The following ODC1 variants were observed in gnomAD, a reference collection of about 807,000 sequenced individuals.
ODC1 encodes ornithine decarboxylase.
In ODC1, 18 loss-of-function variants were observed where a neutral mutation model predicts 41.5. The ratio of observed to expected loss-of-function variants is 0.43; its 90% CI spans 0.30 to 0.64. The LOEUF (loss-of-function observed/expected upper bound fraction) is 0.64, where lower values mean the gene tolerates loss of function less well. Among genes scored for constraint, ODC1 ranks in the 30% least tolerant of loss-of-function variants. The pLI is 0.11. For synonymous variants in ODC1, 218 were observed against 211.6 expected (o/e 1.03, Z -0.26); for missense variants, 504 against 589.0 (o/e 0.86, Z 1.49).
chr2:10,444,799 C>G (rs558150537), intron 3 of ODC1, 132 bp downstream of exon 3: 1 of 830,574 alleles, frequency 1.2e-6, no homozygotes, highest in Admixed American at 2.5e-5. Flanking sequence ...TATTAATTTA[C>G]CACCAGTGAA....
At chr2:10,448,027 C>G (rs938012231) in intron 1 of ODC1, 94 bp downstream of exon 1, 1 of 154,518 alleles carries the variant, frequency 6.5e-6, no homozygotes, top group Non-Finnish European at 1.4e-5. Context: ...GCCGGCGAGG[C>G]GCGCCGCACA....
intron 5 of ODC1, 47 bp downstream of exon 5, chr2:10,444,048 C>A (rs1206410312): frequency 1.3e-6 from 2 of 1,522,958 alleles, no homozygotes; most frequent in Non-Finnish European, 8.8e-7. Flanking sequence ...TAAGAATCCA[C>A]ATATCTTATG....
At chr2:10,444,372 T>C (rs1558551250) in intron 4 of ODC1, 102 bp downstream of exon 4, 1 of 1,507,898 alleles carries the variant, frequency 6.6e-7, no homozygotes. Flanking sequence ...CATTTGCCTT[T>C]AGTGAGCATT....
Position 10,444,918 on chromosome 2 carries a change from C to G in ODC1, c.102+13G>C. On this transcript the variant is annotated intron_variant, in intron 3 of 11. Transcript: ENST00000234111. ...TCTCAGCTGCACTGCCAGCATGGGCCTCATATACTTACAGAAGAAGAAACT... is the reference window on the plus strand; with the variant it reads ...TCTCAGCTGCACTGCCAGCATGGGCGTCATATACTTACAGAAGAAGAAACT... 2.5e-6 allele frequency: 4 copies of G among 1,582,132 alleles called. No individual in the cohort carries two copies. Among genetic ancestry groups the G allele is most frequent in the Non-Finnish European group, 3.5e-6 (4 of 1,151,186 alleles).
intron 2 of ODC1, 27 bp downstream of exon 2, chr2:10,445,128 C>A: frequency 2.7e-6 from 2 of 732,328 alleles, no homozygotes; most frequent in South Asian, 1.5e-5. Context: ...GATTAACCTG[C>A]AACATAAATG....
chr2:10,447,210 T>C (rs1383679029), intron 1 of ODC1, among the ~76,000 whole-genome samples: 4 of 152,234 alleles, frequency 2.6e-5, no homozygotes, highest in South Asian at 2.1e-4. Flanking sequence ...GAAGAACACC[T>C]TTCGGTCTTT....
rs1460456869 is a variant in ODC1, at chr2:10,440,614, G to A, written c.*110C>T. 8.1e-6 allele frequency: 9 copies of A among 1,110,412 alleles called. No homozygotes were observed. Among genetic ancestry groups the A allele is most frequent in the South Asian group, 3.1e-5 (2 of 65,378 alleles). 68.8% of individuals were successfully genotyped at this position (1,110,412 alleles called of 1,614,324 possible). A position where few individuals can be genotyped will look rare whatever the true frequency, so the allele number is the denominator to read the frequency against. On this transcript the variant is annotated 3_prime_UTR_variant, in exon 12 of 12. Transcript: ENST00000234111. The stretch of plus-strand genomic sequence containing the variant: ...GTCTTCCATATGGCTGCATCATGGC[G>A]ACCCTACTCTTACAAAGACATTTCA...
chr2:10,443,459 G>T, intron 7 of ODC1, 31 bp downstream of exon 7: 1 of 1,601,798 alleles, frequency 6.2e-7, no homozygotes, highest in Non-Finnish European at 8.6e-7. Flanking sequence ...GTTGTGTCCC[G>T]CCCTTCCCTA....
At chr2:10,444,446 G>C in intron 4 of ODC1, 28 bp downstream of exon 4, 1 of 1,577,880 alleles carries the variant, frequency 6.3e-7, no homozygotes, top group East Asian at 2.2e-5. Flanking sequence ...TTTATACAAC[G>C]CTTTTGAGGC....
In ODC1 at chr2:10,442,525, C is replaced by T. The variant is rs557388309; in HGVS notation, c.751-351G>A. Among the ~76,000 whole-genome samples the T allele has an allele frequency of 1.1e-3, 168 of 152,238 alleles. 1 individual carries two copies. Among genetic ancestry groups the T allele is most frequent in the Admixed American group, 1.9e-3 (29 of 15,294 alleles). ...CAGGATAAAAATCCTATTCTGCCTA[C>T]GTCATGATTTTAACAAACCATGTGG... On this transcript the variant is annotated intron_variant, in intron 8 of 11. Transcript: ENST00000234111.
intron 9 of ODC1, 37 bp from the exon 10 acceptor site, chr2:10,441,966 C>T (rs764213070): frequency 3.1e-5 from 50 of 1,612,978 alleles, no homozygotes; most frequent in Non-Finnish European, 4.1e-5. Flanking sequence ...TGACTTTTTG[C>T]ATCAGCTTTC....
chr2:10,444,413 C>A, intron 4 of ODC1, 61 bp downstream of exon 4: 1 of 1,538,096 alleles, frequency 6.5e-7, no homozygotes, highest in Non-Finnish European at 8.8e-7. Context: ...TTGTATCTGC[C>A]TCGTGGGGAA....
At chr2:10,443,654 T>G in intron 6 of ODC1, 48 bp downstream of exon 6, 2 of 1,607,576 alleles carry the variant, frequency 1.2e-6, no homozygotes, top group Non-Finnish European at 1.7e-6. Context: ...CCTGTAAAAC[T>G]CAAACTGTTC....
At chr2:10,443,136 T>A (rs1248975202) in intron 8 of ODC1, 94 bp downstream of exon 8, 2 of 911,426 alleles carry the variant, frequency 2.2e-6, no homozygotes, top group African/African-American at 3.3e-5. Flanking sequence ...CTTCAGCCCA[T>A]TGTGGTATTA....
chr2:10,444,788 C>G (rs1671953779), intron 3 of ODC1, 141 bp from the exon 4 acceptor site: 2 of 826,892 alleles, frequency 2.4e-6, no homozygotes, highest in Admixed American at 5.0e-5. Context: ...ACCATTATCA[C>G]TATTAATTTA....
At position 10,440,465 on chromosome 2, in the gene ODC1, A is replaced by C. The variant is rs1671783733; in HGVS notation, c.*259T>G. ...CCATTCTGCCATTGTACAAGCTACA[A>C]ATGCTTGTTCAGCAGCTGAGGGGCA... On this transcript the variant is annotated 3_prime_UTR_variant, in exon 12 of 12. Transcript: ENST00000234111. 1 of 357,938 alleles carries C rather than the reference A, an allele frequency of 2.8e-6. No homozygotes were observed. Among genetic ancestry groups the C allele is most frequent in the African/African-American group, 2.1e-5 (1 of 47,326 alleles). 22.2% of individuals were successfully genotyped at this position (357,938 alleles called of 1,614,324 possible). A position where few individuals can be genotyped will look rare whatever the true frequency, so the allele number is the denominator to read the frequency against.
At chr2:10,440,932 T>C (rs1671799677) in intron 11 of ODC1, 64 bp from the exon 12 acceptor site, 2 of 1,559,268 alleles carry the variant, frequency 1.3e-6, no homozygotes, top group Non-Finnish European at 8.7e-7. Flanking sequence ...TGAGAGTATT[T>C]ACTTCCCATC....
rs573872915 is a variant in ODC1, at chr2:10,444,064, G to A, written c.449+31C>T. 95 of 1,552,438 alleles carry A rather than the reference G, an allele frequency of 6.1e-5. No homozygotes were observed. In the Admixed American group the frequency reaches 1.7e-3, roughly 28 times the overall value. ...AAGAATCCACATATCTTATGCTCCC[G>A]ATCTTGCCCTCAGATGGGGGAATAA... On this transcript the variant is annotated intron_variant, in intron 5 of 11. Coordinates refer to ENST00000234111, the MANE Select transcript of ODC1 (RefSeq NM_002539.3).
chr2:10,443,849 A>G lies in ODC1; in HGVS notation c.450-13T>C, dbSNP rs1325667389. On this transcript the variant is annotated splice_polypyrimidine_tract_variant and intron_variant, in intron 5 of 11. Coordinates refer to ENST00000234111, the MANE Select transcript of ODC1 (RefSeq NM_002539.3). ...CCGCAAAACCAACCTACAAGCAAGG[A>G]AAGTGCAGCAAATGTCTCATGATAG... The G allele has an allele frequency of 2.5e-6, 4 of 1,612,724 alleles. No homozygotes were observed. The highest frequency in any genetic ancestry group is 1.1e-5 in the South Asian group (1 of 91,026).
Sources: gnomAD v4.1 joint callset for allele counts (sites outside exome capture counted in the v4.1 genomes callset) on GRCh38, gnomAD v4.1.1 for gene constraint, MANE v1.5 for transcripts, NCBI Gene and HGNC (gene_info 2026-07-23, HGNC 2026-07-21) for gene names.